The following OLFM3 variants were observed in gnomAD, a reference collection of about 807,000 sequenced individuals.
The protein encoded by OLFM3 is noelin-3.
A neutral mutation model predicts 48.6 loss-of-function variants in OLFM3; 20 were observed. The observed-to-expected ratio is 0.41, with a 90% CI of 0.29 to 0.60. OLFM3 has a LOEUF of 0.60. OLFM3 is among the 20% of genes least tolerant of loss of function. The pLI, the probability that OLFM3 is intolerant of heterozygous loss-of-function variation, is 0.28. For synonymous variants in OLFM3, 222 were observed against 198.1 expected, an observed-to-expected ratio of 1.12 and a Z score of -1.01; for missense variants, 437 against 544.3, an observed-to-expected ratio of 0.80 and a Z score of 1.96.
rs1467647878 is a variant in OLFM3, at chr1:101,813,050, G to T, written c.593-6868C>A. 3 of 1,256,188 alleles carry T rather than the reference G, an allele frequency of 2.4e-6. No individual in the cohort carries two copies. In the African/African-American group the frequency reaches 4.7e-5, roughly 20 times the overall value. 77.8% of individuals were successfully genotyped at this position (1,256,188 alleles called of 1,614,324 possible). On this transcript the variant is annotated intron_variant, in intron 4 of 5. Coordinates refer to ENST00000370103, the MANE Select transcript of OLFM3 (RefSeq NM_058170.4). The stretch of plus-strand genomic sequence containing the variant: ...GTGCTGAGAATACAAAGGTGAACAG[G>T]GAGGCAAGTCGCGTGTTATAGCTTC...
chr1:101,911,368 T>C (rs1331889868), intron 1 of OLFM3, among the ~76,000 whole-genome samples: 1 of 152,164 alleles, frequency 6.6e-6, no homozygotes, highest in African/African-American at 2.4e-5. Context: ...GACTCTGAGT[T>C]GAGGCCCCAT....
At chr1:101,812,330 G>A (rs914741470) in intron 4 of OLFM3, 3 of 715,572 alleles carry the variant, frequency 4.2e-6, no homozygotes, top group African/African-American at 3.8e-5. Context: ...AACTTAAAGT[G>A]TAATTTTAAA....
At chr1:101,913,616 C>T (rs10493970) in intron 1 of OLFM3, among the ~76,000 whole-genome samples, 13,712 of 150,608 alleles carry the variant, frequency 0.091, 828 homozygotes, top group East Asian at 0.22. Flanking sequence ...AAGATAATGT[C>T]AGAATGATCA....
intron 4 of OLFM3, among the ~76,000 whole-genome samples, chr1:101,814,598 T>C (rs1358583256): frequency 6.6e-6 from 1 of 152,102 alleles, no homozygotes; most frequent in African/African-American, 2.4e-5. Flanking sequence ...AGCAGTTGTT[T>C]AGTGGATTTA....
intron 1 of OLFM3, among the ~76,000 whole-genome samples, chr1:101,895,291 T>G (rs1243802982): frequency 6.6e-6 from 1 of 151,970 alleles, no homozygotes; most frequent in East Asian, 1.9e-4. Context: ...ATCCCAAACC[T>G]CCACTTACCT....
intron 1 of OLFM3, among the ~76,000 whole-genome samples, chr1:101,933,389 AT>A (rs1443069078): frequency 2.0e-5 from 3 of 151,980 alleles, no homozygotes; most frequent in African/African-American, 2.4e-5. Flanking sequence ...GTTCTCTAAA[AT>A]AACTCAGTTA....
At chr1:101,815,242 C>T (rs550994261) in intron 4 of OLFM3, among the ~76,000 whole-genome samples, 222 of 151,920 alleles carry the variant, frequency 1.5e-3, no homozygotes, top group Non-Finnish European at 2.9e-3. Context: ...GTCAGGAGAT[C>T]GAGACCATCC....
intron 1 of OLFM3, among the ~76,000 whole-genome samples, chr1:101,923,290 TAATATAAG>T (rs1456137201): frequency 6.6e-6 from 1 of 152,224 alleles, no homozygotes; most frequent in African/African-American, 2.4e-5. Context: ...CTCCCGAATA[TAATATAAG>T]ATATGGTAGA....
chr1:101,845,918 C>T (rs1450643299), intron 1 of OLFM3, among the ~76,000 whole-genome samples: 2 of 152,186 alleles, frequency 1.3e-5, no homozygotes. Flanking sequence ...TGGAGGGCTA[C>T]TTTTCTTTCC....
chr1:101,883,189 T>A (rs1326256596), intron 1 of OLFM3, among the ~76,000 whole-genome samples: 1 of 151,700 alleles, frequency 6.6e-6, no homozygotes, highest in Non-Finnish European at 1.5e-5. Context: ...GTAACCAGTA[T>A]TACAGTTTTA....
At chr1:101,823,982 C>T (rs527949247) in intron 4 of OLFM3, among the ~76,000 whole-genome samples, 147 of 150,122 alleles carry the variant, frequency 9.8e-4, no homozygotes, top group African/African-American at 3.4e-3. Flanking sequence ...ATTTTGGATT[C>T]CTTTTTATCA....
chr1:101,868,986 G>A (rs1209835194), intron 1 of OLFM3, among the ~76,000 whole-genome samples: 1 of 152,226 alleles, frequency 6.6e-6, no homozygotes, highest in African/African-American at 2.4e-5. Context: ...AGGATGTATG[G>A]AAACACCTGG....
chr1:101,953,045 G>T (rs968807982), intron 1 of OLFM3, among the ~76,000 whole-genome samples: 1 of 152,066 alleles, frequency 6.6e-6, no homozygotes, highest in Non-Finnish European at 1.5e-5. Context: ...AAAAATGCAT[G>T]CTAGTTTCCA....
chr1:101,992,030 C>T (rs1661426141), intron 1 of OLFM3, among the ~76,000 whole-genome samples: 2 of 152,050 alleles, frequency 1.3e-5, no homozygotes, highest in South Asian at 2.1e-4. Flanking sequence ...GTTTTCAGAA[C>T]ATCTAGGCTC....
intron 1 of OLFM3, among the ~76,000 whole-genome samples, chr1:101,856,105 T>C (rs1656399797): frequency 6.6e-6 from 1 of 151,972 alleles, no homozygotes; most frequent in African/African-American, 2.4e-5. Flanking sequence ...GGGTTTTATG[T>C]AGCAGCATAG....
chr1:101,834,772 C>T (rs1465143151), intron 2 of OLFM3, among the ~76,000 whole-genome samples: 1 of 152,078 alleles, frequency 6.6e-6, no homozygotes. Flanking sequence ...GTATTATGTT[C>T]TAGAATTTCT....
chr1:101,969,305 C>A (rs1257724913), intron 1 of OLFM3, among the ~76,000 whole-genome samples: 2 of 137,998 alleles, frequency 1.4e-5, no homozygotes, highest in Non-Finnish European at 1.5e-5. Flanking sequence ...TGCAACACCA[C>A]GCCTGGCTAT....
At chr1:101,925,036 A>C (rs771059805) in intron 1 of OLFM3, among the ~76,000 whole-genome samples, 1 of 151,970 alleles carries the variant, frequency 6.6e-6, no homozygotes, top group Non-Finnish European at 1.5e-5. Flanking sequence ...CAAAACATTC[A>C]ATTTATGTTT....
intron 1 of OLFM3, among the ~76,000 whole-genome samples, chr1:101,959,538 A>T (rs2101081724): frequency 6.6e-6 from 1 of 152,252 alleles, no homozygotes; most frequent in Admixed American, 6.5e-5. Flanking sequence ...AACCTTATGC[A>T]ATGGGTATTT....
Sources: gnomAD v4.1 joint callset for allele counts (sites outside exome capture counted in the v4.1 genomes callset) on GRCh38, gnomAD v4.1.1 for gene constraint, MANE v1.5 for transcripts, NCBI Gene and HGNC (gene_info 2026-07-23, HGNC 2026-07-21) for gene names.